AGBL4: variants seen among roughly 807,000 people sequenced by gnomAD.
AGBL4 encodes the protein AGBL carboxypeptidase 4.
A neutral mutation model predicts 66.4 loss-of-function variants in AGBL4; 58 were observed. The ratio of observed to expected loss-of-function variants is 0.87; its 90% CI spans 0.71 to 1.09. The LOEUF is 1.09. Among genes scored for constraint, AGBL4 ranks in the 50% least tolerant of loss-of-function variants. AGBL4 has a pLI of 0.00. For synonymous variants in AGBL4, 234 were observed against 222.9 expected (o/e 1.05, Z -0.44); for missense variants, 579 against 631.0 (o/e 0.92, Z 0.88).
rs1430335890 is a variant in AGBL4 at position 48,591,075 on chromosome 1, C to CA, written c.952-91dup. On this transcript the variant is annotated intron_variant, in intron 9 of 13. Transcript: ENST00000371839. ...CACTACACTACACACACACACCCCC[C>CA]ACACACACCCACCCACCCCCCCCCA... The CA allele has an allele frequency of 3.1e-6, 3 of 966,758 alleles. No individual in the cohort carries two copies. In the African/African-American group the frequency reaches 5.7e-5, roughly 18 times the overall value. 59.9% of individuals were successfully genotyped at this position (966,758 alleles called of 1,614,324 possible).
chr1:48,587,359 T>G (rs1644839356), intron 10 of AGBL4, among the ~76,000 whole-genome samples, 193 bp from the exon 11 acceptor site: 1 of 152,066 alleles, frequency 6.6e-6, no homozygotes, highest in African/African-American at 2.4e-5. Context: ...GTTCTTGAGG[T>G]GCAGTAACTG....
intron 3 of AGBL4, among the ~76,000 whole-genome samples, chr1:49,295,646 T>C (rs900839643): frequency 1.3e-5 from 2 of 152,186 alleles, no homozygotes; most frequent in Non-Finnish European, 2.9e-5. Context: ...TAATTTCAAG[T>C]GCAGTATTGC....
At chr1:49,848,958 T>TA (rs1342191212) in intron 2 of AGBL4, among the ~76,000 whole-genome samples, 1 of 152,146 alleles carries the variant, frequency 6.6e-6, no homozygotes, top group Non-Finnish European at 1.5e-5. Context: ...TTGTGTATGA[T>TA]ACTATCAAAC....
rs1167835143 is a variant in AGBL4, at chr1:50,019,306, T to TCTCACACACACACA, written c.34+4456_34+4457insTGTGTGTGTGTGAG. On this transcript the variant is annotated intron_variant, in intron 1 of 13. Transcript: ENST00000371839. The stretch of plus-strand genomic sequence containing the variant: ...CTCTCTCTCTCTCTCTCTCTCTCTC[T>TCTCACACACACACA]CACACACACACACACACACACACAC... Among the ~76,000 whole-genome samples, 166 of 48,440 alleles carry TCTCACACACACACA rather than the reference T, an allele frequency of 3.4e-3. 2 individuals are homozygous for TCTCACACACACACA. The highest frequency in any genetic ancestry group is 0.033 in the East Asian group (31 of 940). 31.8% of individuals were successfully genotyped at this position (48,440 alleles called of 152,430 possible). A position where few individuals can be genotyped will look rare whatever the true frequency, so the allele number is the denominator to read the frequency against.
At chr1:49,967,943 G>A (rs939304481) in intron 1 of AGBL4, among the ~76,000 whole-genome samples, 3 of 152,094 alleles carry the variant, frequency 2.0e-5, no homozygotes, top group African/African-American at 7.2e-5. Flanking sequence ...ATCCATCAGG[G>A]CCGGGCATGG....
chr1:49,941,727 T>A (rs1054915133), intron 1 of AGBL4, among the ~76,000 whole-genome samples: 5 of 151,762 alleles, frequency 3.3e-5, no homozygotes, highest in African/African-American at 1.2e-4. Flanking sequence ...ATAGAAGAAA[T>A]AAACCTCAAC....
At chr1:48,598,399 A>G (rs1472358320) in intron 9 of AGBL4, among the ~76,000 whole-genome samples, 2 of 152,162 alleles carry the variant, frequency 1.3e-5, no homozygotes, top group Non-Finnish European at 2.9e-5. Context: ...CCTAGATGCT[A>G]TAGCCTACTA....
chr1:49,899,482 C>T (rs1357208927), intron 1 of AGBL4, among the ~76,000 whole-genome samples: 3 of 151,354 alleles, frequency 2.0e-5, no homozygotes, highest in African/African-American at 7.3e-5. Flanking sequence ...TATCAAAGGA[C>T]ACTTACTATA....
At chr1:49,214,949 G>A (rs354158) in intron 4 of AGBL4, among the ~76,000 whole-genome samples, 144,549 of 152,200 alleles carry the variant, frequency 0.95, 68,662 homozygotes, top group Admixed American at 0.97. Context: ...GTCTGAAGTT[G>A]TCAGCAGAGA....
At chr1:49,732,930 C>T (rs902790454) in intron 2 of AGBL4, among the ~76,000 whole-genome samples, 1 of 151,702 alleles carries the variant, frequency 6.6e-6, no homozygotes, top group Admixed American at 6.6e-5. Context: ...TCATATAACA[C>T]AAAAATAAAG....
intron 7 of AGBL4, among the ~76,000 whole-genome samples, chr1:48,655,807 G>T (rs190758785): frequency 2.6e-4 from 39 of 152,292 alleles, no homozygotes. Context: ...CAGAACTTGG[G>T]TTCTAGTTTT....
In AGBL4 at chr1:48,736,106, T is replaced by A. The variant is rs1240040344; in HGVS notation, c.635-72865A>T. Reference sequence around the variant, plus strand: ...TGGGGCATTTGGGTTATCCGCTTGGTGTCCCCGGGCTCAGCCCAGGGTCTG... The same window carrying A: ...TGGGGCATTTGGGTTATCCGCTTGGAGTCCCCGGGCTCAGCCCAGGGTCTG... On this transcript the variant is annotated intron_variant, in intron 6 of 13. Transcript: ENST00000371839. This position sits in a 1 kb window ranked among gnomAD's most constrained non-coding sequence, Gnocchi z 4.0. 4 of 965,962 alleles carry A rather than the reference T, an allele frequency of 4.1e-6. No individual in the cohort carries two copies. The Admixed American group carries it at 8.7e-5, about 21-fold the overall frequency. The allele number at this position is 965,962 out of a possible 1,614,324, so 59.8% of individuals were successfully genotyped here. A position where few individuals can be genotyped will look rare whatever the true frequency, so the allele number is the denominator to read the frequency against.
At chr1:49,428,244 G>C (rs1308335175) in intron 3 of AGBL4, among the ~76,000 whole-genome samples, 1 of 152,120 alleles carries the variant, frequency 6.6e-6, no homozygotes, top group Admixed American at 6.6e-5. Context: ...CACACTATAA[G>C]TGTTCAGTTA....
chr1:49,768,494 C>G (rs1274924629), intron 2 of AGBL4, among the ~76,000 whole-genome samples: 1 of 152,096 alleles, frequency 6.6e-6, no homozygotes, highest in Non-Finnish European at 1.5e-5. Context: ...GTTAAAAATA[C>G]TCAACAAACT....
intron 6 of AGBL4, among the ~76,000 whole-genome samples, chr1:48,827,999 C>T (rs1646466012): frequency 1.2e-5 from 1 of 83,732 alleles, no homozygotes; most frequent in Non-Finnish European, 2.2e-5. Flanking sequence ...TAAAAATACA[C>T]ACACACACAC....
chr1:49,514,823 T>C (rs1287119775), intron 3 of AGBL4, among the ~76,000 whole-genome samples: 2 of 152,070 alleles, frequency 1.3e-5, no homozygotes, highest in Admixed American at 6.6e-5. Flanking sequence ...CTGGGAAAAC[T>C]GGCTAGCCAT....
intron 3 of AGBL4, among the ~76,000 whole-genome samples, chr1:49,555,693 A>G (rs1054175006): frequency 6.6e-5 from 10 of 151,392 alleles, no homozygotes; most frequent in African/African-American, 2.4e-4. Flanking sequence ...CAAGAAAAAA[A>G]AAAACCCATC....
intron 4 of AGBL4, among the ~76,000 whole-genome samples, chr1:49,096,251 C>T (rs1282798595): frequency 1.3e-5 from 2 of 152,112 alleles, no homozygotes; most frequent in East Asian, 3.9e-4. Flanking sequence ...GGACTGTAAA[C>T]TAGTTCAACC....
chr1:49,036,441 A>G (rs1233857279), intron 5 of AGBL4, among the ~76,000 whole-genome samples: 1 of 152,162 alleles, frequency 6.6e-6, no homozygotes, highest in African/African-American at 2.4e-5. Context: ...AAAGAAGGTA[A>G]AAAGTTTGAC....
Sources: allele counts gnomAD v4.1 joint callset (sites outside exome capture counted in the v4.1 genomes callset), GRCh38; gene constraint gnomAD v4.1.1; non-coding constraint Gnocchi (gnomAD v3.1); transcripts MANE v1.5; gene names NCBI Gene and HGNC (gene_info 2026-07-23, HGNC 2026-07-21).